Variants in PTPRT observed in about 807,000 individuals in gnomAD.
PTPRT encodes the protein protein tyrosine phosphatase receptor type T.
Under a neutral mutation model 176.8 loss-of-function variants are expected in PTPRT, and 56 were observed. The ratio of observed to expected loss-of-function variants is 0.32; its 90% CI spans 0.26 to 0.40. The LOEUF (loss-of-function observed/expected upper bound fraction) is 0.40. Ranked by LOEUF, PTPRT falls within the 10% of genes least tolerant of loss-of-function variation. The pLI, the probability that PTPRT is intolerant of heterozygous loss-of-function variation, is 1.00. For synonymous variants in PTPRT, 783 were observed against 739.0 expected, an observed-to-expected ratio of 1.06 and a Z score of -0.96; for missense variants, 1,540 against 1,908.2, an observed-to-expected ratio of 0.81 and a Z score of 3.60.
chr20:42,867,974 A>C (rs543061690), intron 2 of PTPRT, among the ~76,000 whole-genome samples: 21 of 152,266 alleles, frequency 1.4e-4, no homozygotes, highest in African/African-American at 5.1e-4. Context: ...GAGCCACTGC[A>C]CCCAGCCTAT....
rs879588603 is a variant in PTPRT at position 42,184,540 on chromosome 20, C to CAT, written c.2491+14699_2491+14700insAT. 1.8e-4 allele frequency among the ~76,000 whole-genome samples: 20 copies of CAT among 113,268 alleles called. 1 individual carries two copies. The highest frequency in any genetic ancestry group is 6.7e-4 in the African/African-American group (19 of 28,440). 74.3% of individuals were successfully genotyped at this position (113,268 alleles called of 152,430 possible). On this transcript the variant is annotated intron_variant, in intron 16 of 30. Transcript: ENST00000373187. ...CCTCCTTCTTCTTCTTCTTCCTCTT[C>CAT]CTCTTCTTCTTCTTCTTCTTATTCT...
chr20:42,630,575 G>T (rs1569033841), intron 7 of PTPRT, among the ~76,000 whole-genome samples: 1 of 152,096 alleles, frequency 6.6e-6, no homozygotes, highest in Non-Finnish European at 1.5e-5. Context: ...CCAATTCTCA[G>T]CTCTGGTGTT....
chr20:43,041,846 G>A (rs1479902714), intron 1 of PTPRT, among the ~76,000 whole-genome samples: 3 of 152,134 alleles, frequency 2.0e-5, no homozygotes, highest in African/African-American at 7.2e-5. Context: ...TGCTACACTG[G>A]GAAAATTGAG....
At chr20:42,603,967 C>T (rs955649496) in intron 7 of PTPRT, among the ~76,000 whole-genome samples, 3 of 152,150 alleles carry the variant, frequency 2.0e-5, no homozygotes, top group South Asian at 2.1e-4. Flanking sequence ...TTCCTTTTCC[C>T]TTTGTCTTAT....
intron 1 of PTPRT, among the ~76,000 whole-genome samples, chr20:42,932,582 C>T (rs1174376147): frequency 1.3e-5 from 2 of 152,284 alleles, no homozygotes; most frequent in African/African-American, 2.4e-5. Flanking sequence ...CCCTGGTCAG[C>T]GTCACCCTGC....
At chr20:42,781,944 G>A (rs1194017884) in intron 3 of PTPRT, among the ~76,000 whole-genome samples, 1 of 152,152 alleles carries the variant, frequency 6.6e-6, no homozygotes, top group Non-Finnish European at 1.5e-5. Flanking sequence ...ACTGCTCTGT[G>A]CCTCATTTTC....
chr20:42,225,630 GAA>G (rs2055989447), intron 15 of PTPRT, among the ~76,000 whole-genome samples: 1 of 152,136 alleles, frequency 6.6e-6, no homozygotes, highest in Non-Finnish European at 1.5e-5. Flanking sequence ...AGGCCGAGGA[GAA>G]AAGTGAATGA....
At position 42,337,075 on chromosome 20, in the gene PTPRT, T is replaced by TA. The variant is rs1329198266; in HGVS notation, c.1865+13552dup. Among the ~76,000 whole-genome samples, 5 of 152,154 alleles carry TA rather than the reference T, an allele frequency of 3.3e-5. No individual in the cohort carries two copies. In the East Asian group the frequency reaches 9.6e-4, roughly 29 times the overall value. ...GAGCTGTGGCATGGTCTTTCATACT[T>TA]AGAGTTTGCATCACTCTTCAGGAAG... On this transcript the variant is annotated intron_variant, in intron 11 of 30. Transcript: ENST00000373187.
At chr20:42,164,663 C>T (rs529326191) in intron 16 of PTPRT, among the ~76,000 whole-genome samples, 1 of 152,126 alleles carries the variant, frequency 6.6e-6, no homozygotes, top group Non-Finnish European at 1.5e-5. Context: ...TAATGAAAAC[C>T]CAATTTCACA....
intron 12 of PTPRT, among the ~76,000 whole-genome samples, chr20:42,303,765 T>C (rs576446804): frequency 1.3e-5 from 2 of 152,192 alleles, no homozygotes; most frequent in East Asian, 1.9e-4. Flanking sequence ...AGAACTACGA[T>C]GGTGGCACTG....
chr20:42,709,858 T>A (rs936092069), intron 6 of PTPRT, among the ~76,000 whole-genome samples: 1 of 152,144 alleles, frequency 6.6e-6, no homozygotes, highest in Non-Finnish European at 1.5e-5. Context: ...AGGTCTTAGA[T>A]GGAAATGAAG....
chr20:42,411,504 C>A, intron 9 of PTPRT, among the ~76,000 whole-genome samples: 1 of 106,740 alleles, frequency 9.4e-6, no homozygotes, highest in East Asian at 2.8e-4. Context: ...CCAACAAGAG[C>A]TAAACCCTGT....
intron 13 of PTPRT, among the ~76,000 whole-genome samples, chr20:42,264,448 C>G (rs115275641): frequency 6.6e-6 from 1 of 152,330 alleles, no homozygotes; most frequent in African/African-American, 2.4e-5. Context: ...TCTCCTCCCC[C>G]ATTCTGTAGT....
At chr20:42,229,682 C>A (rs1041056697) in intron 15 of PTPRT, among the ~76,000 whole-genome samples, 2 of 152,154 alleles carry the variant, frequency 1.3e-5, no homozygotes, top group African/African-American at 4.8e-5. Flanking sequence ...TGTGAGACTT[C>A]TTCTGTAAGA....
At chr20:42,965,385 A>G (rs6093764) in intron 1 of PTPRT, among the ~76,000 whole-genome samples, 13,425 of 152,258 alleles carry the variant, frequency 0.088, 1,224 homozygotes, top group African/African-American at 0.23. Flanking sequence ...ACAGATATAC[A>G]ATAGACATGA....
intron 17 of PTPRT, among the ~76,000 whole-genome samples, chr20:42,145,881 G>C (rs1988848931): frequency 6.6e-6 from 1 of 152,144 alleles, no homozygotes; most frequent in African/African-American, 2.4e-5. Context: ...CTAGGTTTTG[G>C]GCACCAATCT....
At chr20:43,111,499 G>A (rs994501065) in intron 1 of PTPRT, among the ~76,000 whole-genome samples, 8 of 146,446 alleles carry the variant, frequency 5.5e-5, no homozygotes, top group African/African-American at 1.3e-4. Context: ...AGCTGAGATC[G>A]TGCCACTGCA....
intron 1 of PTPRT, among the ~76,000 whole-genome samples, chr20:43,111,818 T>A (rs948238420): frequency 6.6e-6 from 1 of 152,178 alleles, no homozygotes; most frequent in Non-Finnish European, 1.5e-5. Context: ...TGTTAATTAT[T>A]CCTGGAGTGG....
intron 7 of PTPRT, among the ~76,000 whole-genome samples, chr20:42,611,885 C>T (rs2073981654): frequency 6.6e-6 from 1 of 152,302 alleles, no homozygotes; most frequent in East Asian, 1.9e-4. Flanking sequence ...TCTTGGAGCA[C>T]ATGAGGCTCT....
Sources: allele counts gnomAD v4.1 joint callset (sites outside exome capture counted in the v4.1 genomes callset), GRCh38; gene constraint gnomAD v4.1.1; transcripts MANE v1.5; gene names NCBI Gene and HGNC (gene_info 2026-07-23, HGNC 2026-07-21).